Variants in TNIK observed in about 807,000 individuals in gnomAD.
The protein encoded by TNIK is TRAF2 and NCK-interacting protein kinase.
TNIK carries 49 observed loss-of-function variants against 191.3 expected under a neutral mutation model. The observed-to-expected ratio is 0.26, with a 90% CI of 0.20 to 0.32. TNIK has a LOEUF of 0.32. TNIK is among the 10% of genes least tolerant of loss of function. TNIK has a pLI of 1.00. For synonymous variants in TNIK, 594 were observed against 600.9 expected, an observed-to-expected ratio of 0.99 and a Z score of 0.17; for missense variants, 1,155 against 1,702.3, an observed-to-expected ratio of 0.68 and a Z score of 5.66.
chr3:171,143,333 A>G (rs1203233960), intron 12 of TNIK, among the ~76,000 whole-genome samples: 3 of 152,200 alleles, frequency 2.0e-5, no homozygotes, highest in African/African-American at 4.8e-5. Flanking sequence ...TAAAAAAAAC[A>G]TATCAATGCA....
At chr3:171,298,833 T>C (rs1391607247) in intron 2 of TNIK, among the ~76,000 whole-genome samples, 1 of 152,246 alleles carries the variant, frequency 6.6e-6, no homozygotes, top group Non-Finnish European at 1.5e-5. Context: ...CTAAAAGCCT[T>C]AATTTTTCAC....
intron 11 of TNIK, 34 bp downstream of exon 11, chr3:171,161,236 T>C: frequency 6.3e-7 from 1 of 1,597,842 alleles, no homozygotes; most frequent in Non-Finnish European, 8.5e-7. Flanking sequence ...ATTCAGAATG[T>C]GAACATTAGA....
intron 1 of TNIK, among the ~76,000 whole-genome samples, chr3:171,426,496 T>G (rs1724640229): frequency 6.6e-6 from 1 of 151,936 alleles, no homozygotes; most frequent in Non-Finnish European, 1.5e-5. Flanking sequence ...ATGGCACATG[T>G]ATACATATGT....
chr3:171,077,533 C>G (rs897999041), intron 28 of TNIK, among the ~76,000 whole-genome samples: 2 of 152,178 alleles, frequency 1.3e-5, no homozygotes, highest in African/African-American at 4.8e-5. Context: ...CTTGGTTGAG[C>G]TAGGACATCA....
intron 4 of TNIK, among the ~76,000 whole-genome samples, chr3:171,207,004 G>T (rs1577119649): frequency 6.6e-6 from 1 of 151,834 alleles, no homozygotes; most frequent in Non-Finnish European, 1.5e-5. Context: ...GCTGGGAGAT[G>T]GTTATAAATC....
chr3:171,061,745 A>G lies in TNIK; in HGVS notation c.*2136T>C, dbSNP rs1717853278. 6.6e-6 allele frequency: 1 copy of G among 152,222 alleles called. No individual in the cohort carries two copies. Among genetic ancestry groups the G allele is most frequent in the South Asian group, 2.1e-4 (1 of 4,838 alleles). 9.4% of individuals were successfully genotyped at this position (152,222 alleles called of 1,614,324 possible). On this transcript the variant is annotated 3_prime_UTR_variant, in exon 33 of 33. Coordinates refer to ENST00000436636, the MANE Select transcript of TNIK (RefSeq NM_015028.4). ...ATCGAAATCAATATATTTTGTCCAC[A>G]TCAGCATCCAATTACAGTAGTTGTT...
At chr3:171,400,242 C>T (rs1220922441) in intron 1 of TNIK, among the ~76,000 whole-genome samples, 1 of 152,054 alleles carries the variant, frequency 6.6e-6, no homozygotes, top group Non-Finnish European at 1.5e-5. Context: ...GCCAAATTTC[C>T]CCTGGTGTTC....
chr3:171,157,466 C>T lies in TNIK; in HGVS notation c.1215G>A (p.Leu405=). The change falls in exon 12 of 33, where the codon CTG becomes CTA. Residue 405 remains leucine (L), a synonymous_variant. Transcript: ENST00000436636. ...GGCCCGAGCAGGTCCTCACCTCCTC[C>T]AGCCGCCGCCTCTGCTCTTTCTGCT... is the stretch of plus-strand genomic sequence containing the variant. ...IEEQKEQRRR[L]EEQQRREKEL... The T allele has an allele frequency of 6.4e-7, 1 of 1,561,780 alleles. No individual in the cohort carries two copies. The highest frequency in any genetic ancestry group is 2.4e-5 in the East Asian group (1 of 41,528).
At chr3:171,215,365 T>G (rs1741334175) in intron 3 of TNIK, among the ~76,000 whole-genome samples, 1 of 152,182 alleles carries the variant, frequency 6.6e-6, no homozygotes, top group African/African-American at 2.4e-5. Context: ...CCAGGAGGTA[T>G]GTATGAACTA....
chr3:171,419,113 GC>G (rs1472846458), intron 1 of TNIK, among the ~76,000 whole-genome samples: 9 of 152,224 alleles, frequency 5.9e-5, no homozygotes, highest in African/African-American at 2.2e-4. Context: ...TCTTCAAAGG[GC>G]CCGTCTCCAA....
intron 2 of TNIK, among the ~76,000 whole-genome samples, chr3:171,346,254 A>ACACT (rs1304928898): frequency 6.6e-6 from 1 of 152,180 alleles, no homozygotes; most frequent in Admixed American, 6.5e-5. Context: ...GAGTCACTGT[A>ACACT]GATAAATGCC....
chr3:171,097,810 T>A (rs895067355), intron 22 of TNIK, among the ~76,000 whole-genome samples: 2 of 152,160 alleles, frequency 1.3e-5, no homozygotes, highest in African/African-American at 4.8e-5. Context: ...AGAAGCCAGG[T>A]TTCTGACTGT....
chr3:171,404,032 G>A (rs530249622), intron 1 of TNIK, among the ~76,000 whole-genome samples: 1 of 152,316 alleles, frequency 6.6e-6, no homozygotes, highest in South Asian at 2.1e-4. Flanking sequence ...AGAGAAGTGG[G>A]AGAAGCATCT....
At chr3:171,415,919 T>A (rs1489920941) in intron 1 of TNIK, among the ~76,000 whole-genome samples, 12 of 128,552 alleles carry the variant, frequency 9.3e-5, no homozygotes, top group African/African-American at 3.4e-4. Flanking sequence ...AGGCAGAGGT[T>A]TAGCTGAGAT....
At chr3:171,093,271 A>G (rs558020375) in intron 23 of TNIK, among the ~76,000 whole-genome samples, 2 of 152,330 alleles carry the variant, frequency 1.3e-5, no homozygotes, top group South Asian at 2.1e-4. Context: ...CCCAAATGAA[A>G]TGATGTTCCT....
chr3:171,452,394 C>T (rs1336340533), intron 1 of TNIK, among the ~76,000 whole-genome samples: 1 of 152,078 alleles, frequency 6.6e-6, no homozygotes, highest in African/African-American at 2.4e-5. Flanking sequence ...CAGGAATATG[C>T]ATCCCAGCAA....
At chr3:171,388,069 G>C (rs1028288252) in intron 1 of TNIK, among the ~76,000 whole-genome samples, 2 of 152,154 alleles carry the variant, frequency 1.3e-5, no homozygotes, top group Non-Finnish European at 2.9e-5. Flanking sequence ...TATTTTACTT[G>C]ACCATCTCCA....
At chr3:171,442,663 A>C (rs1293890790) in intron 1 of TNIK, among the ~76,000 whole-genome samples, 1 of 152,144 alleles carries the variant, frequency 6.6e-6, no homozygotes, top group Non-Finnish European at 1.5e-5. Flanking sequence ...AGGACCTATA[A>C]TAATTATCCA....
At chr3:171,121,588 T>G (rs978945674) in intron 18 of TNIK, among the ~76,000 whole-genome samples, 1 of 152,210 alleles carries the variant, frequency 6.6e-6, no homozygotes, top group Non-Finnish European at 1.5e-5. Context: ...ACTGCACGAG[T>G]GAGCCCAGGC....
Sources: gnomAD v4.1 joint callset for allele counts (sites outside exome capture counted in the v4.1 genomes callset) on GRCh38, gnomAD v4.1.1 for gene constraint, MANE v1.5 for transcripts, NCBI Gene and HGNC (gene_info 2026-07-23, HGNC 2026-07-21) for gene names.